Variants in VPS16 observed in about 807,000 individuals in gnomAD.
VPS16 encodes vacuolar protein sorting-associated protein 16 homolog.
In VPS16, 82 loss-of-function variants were observed where a neutral mutation model predicts 116.0. That is an observed-to-expected ratio of 0.71 (90% CI 0.59 to 0.85). The LOEUF is 0.85. Among genes scored for constraint, VPS16 ranks in the 40% least tolerant of loss-of-function variants. The pLI is 0.00. For synonymous variants in VPS16, 406 were observed against 420.7 expected, an observed-to-expected ratio of 0.96 and a Z score of 0.43; for missense variants, 928 against 1,090.6, an observed-to-expected ratio of 0.85 and a Z score of 2.10.
At chr20:2,858,031 T>G (rs1237115017) in intron 1 of VPS16, among the ~76,000 whole-genome samples, 1 of 152,110 alleles carries the variant, frequency 6.6e-6, no homozygotes, top group African/African-American at 2.4e-5. Flanking sequence ...AGAAAATAGA[T>G]TGATTTTTGT....
Position 2,860,058 on chromosome 20 carries a change from G to T in VPS16, c.147G>T (p.Leu49=). 1 of 1,613,970 alleles carries T rather than the reference G, an allele frequency of 6.2e-7. No individual in the cohort carries two copies. Among genetic ancestry groups the T allele is most frequent in the Non-Finnish European group, 8.5e-7 (1 of 1,180,020 alleles). ...AGGTCTCTTCTCAAACTGCAGCACT[G>T]CTGAGGAACCCCTGGCGGAAGGAGA... ...AAAPYGGPIA[L]LRNPWRKEKA... is the part of the protein sequence containing the mutation. The change falls in exon 3 of 24, where the codon CTG becomes CTT. Residue 49 remains leucine, a synonymous_variant. Transcript: ENST00000380445. The surrounding 1 kb of genome is among the most constrained non-coding windows in gnomAD (Gnocchi z 6.1).
At chr20:2,847,880 C>T (rs138712014) in intron 1 of VPS16, among the ~76,000 whole-genome samples, 24 of 152,298 alleles carry the variant, frequency 1.6e-4, no homozygotes, top group African/African-American at 5.8e-4. Flanking sequence ...TCATGGAGCC[C>T]TCTGTTCTCT....
At chr20:2,843,485 A>G (rs1034679413) in intron 1 of VPS16, among the ~76,000 whole-genome samples, 5 of 152,146 alleles carry the variant, frequency 3.3e-5, no homozygotes, top group Admixed American at 1.3e-4. Context: ...AAAAATTGCA[A>G]AAACTTCATT....
In VPS16 at chr20:2,861,031, A is replaced by G. The variant is rs750215291; in HGVS notation, c.692A>G (p.Tyr231Cys). The G allele has an allele frequency of 9.9e-6, 16 of 1,614,030 alleles. No individual in the cohort carries two copies. The East Asian group carries it at 2.0e-4, about 20-fold the overall frequency. The change falls in exon 7 of 24, where the codon TAC becomes TGC. Residue 231 changes from tyrosine (Y) to cysteine (C), a missense_variant. Coordinates refer to ENST00000380445, the MANE Select transcript of VPS16 (RefSeq NM_022575.4). ...CTACAGATGGCTGTCTCCTTCACCTACCGACACCTGGCACTCTTCACAGAC... is the reference window on the plus strand; with the variant it reads ...CTACAGATGGCTGTCTCCTTCACCTGCCGACACCTGGCACTCTTCACAGAC... ...SFLQMAVSFT[Y>C]RHLALFTDTG...
chr20:2,862,424 AC>A, intron 11 of VPS16, 154 bp from the exon 12 acceptor site: 1 of 1,404,556 alleles, frequency 7.1e-7, no homozygotes, highest in South Asian at 1.5e-5. Flanking sequence ...GTCTGTGGGC[AC>A]CTCAGGTGGA....
At chr20:2,851,962 G>A (rs756506374) in intron 1 of VPS16, among the ~76,000 whole-genome samples, 64 of 152,210 alleles carry the variant, frequency 4.2e-4, no homozygotes, top group South Asian at 1.2e-3. Context: ...AGAGCGAGAC[G>A]CTGTCTCAAA....
At position 2,843,261 on chromosome 20, in the gene VPS16, G is replaced by A. The variant is rs529174732; in HGVS notation, c.53+2434G>A. ...AGCCTGGCCAACATGATGAAACCCC[G>A]TCTCTACTAGAAATACAAAAATTTG... On this transcript the variant is annotated intron_variant, in intron 1 of 23. Coordinates refer to ENST00000380445, the MANE Select transcript of VPS16 (RefSeq NM_022575.4). 5.9e-5 allele frequency among the ~76,000 whole-genome samples: 9 copies of A among 151,886 alleles called. 1 individual carries two copies. Among genetic ancestry groups the A allele is most frequent in the African/African-American group, 2.2e-4 (9 of 41,430 alleles).
chr20:2,842,856 G>C lies in VPS16; in HGVS notation c.53+2029G>C, dbSNP rs543012256. On this transcript the variant is annotated intron_variant, in intron 1 of 23. Transcript: ENST00000380445. The stretch of plus-strand genomic sequence containing the variant: ...TAGATGTATCTATCGATAGATAGAT[G>C]TATCTATCGATAGATAGATAGATGT... Among the ~76,000 whole-genome samples, 179 of 122,268 alleles carry C rather than the reference G, an allele frequency of 1.5e-3. 3 individuals carry two copies. Among genetic ancestry groups the C allele is most frequent in the Admixed American group, 3.4e-3 (38 of 11,016 alleles). The allele number at this position is 122,268 out of a possible 152,430, so 80.2% of individuals were successfully genotyped here.
intron 1 of VPS16, among the ~76,000 whole-genome samples, chr20:2,844,137 G>A (rs1429444998): frequency 6.6e-6 from 1 of 152,160 alleles, no homozygotes; most frequent in Non-Finnish European, 1.5e-5. Context: ...GGGTTTTGGG[G>A]GCGGGCAGGT....
chr20:2,863,253 C>G lies in VPS16; in HGVS notation c.1368-37C>G, dbSNP rs143975995. ...CCACTCTGCTCCCTTTCTCCTCCAC[C>G]TCACTCCTTGTATCCTTTACCCACC... On this transcript the variant is annotated intron_variant, in intron 14 of 23. Transcript: ENST00000380445. This position sits in a 1 kb window ranked among gnomAD's most constrained non-coding sequence, Gnocchi z 4.4. 66 of 1,613,292 alleles carry G rather than the reference C, an allele frequency of 4.1e-5. No individual in the cohort carries two copies. Among genetic ancestry groups the G allele is most frequent in the Non-Finnish European group, 5.2e-5 (61 of 1,179,368 alleles).
chr20:2,853,686 T>C (rs925677237), intron 1 of VPS16, among the ~76,000 whole-genome samples: 2 of 152,046 alleles, frequency 1.3e-5, no homozygotes, highest in Non-Finnish European at 2.9e-5. Flanking sequence ...TTTTTTTTAT[T>C]TTTTGGGACG....
chr20:2,861,598 G>C lies in VPS16; in HGVS notation c.810-17G>C, dbSNP rs769128927. The C allele has an allele frequency of 6.2e-7, 1 of 1,601,360 alleles. No individual in the cohort carries two copies. The highest frequency in any genetic ancestry group is 1.1e-5 in the South Asian group (1 of 88,940). The stretch of plus-strand genomic sequence containing the variant: ...CCATGGGACAGTGTCTAGCCAGTGT[G>C]TATATGCTGCTCACAGGTGCAGCCG... On this transcript the variant is annotated splice_polypyrimidine_tract_variant and intron_variant, in intron 8 of 23. Coordinates refer to ENST00000380445, the MANE Select transcript of VPS16 (RefSeq NM_022575.4).
rs533682192 is a variant in VPS16, at chr20:2,863,637, C to CT, written c.1476+240dup. On this transcript the variant is annotated intron_variant, in intron 15 of 23. Transcript: ENST00000380445. The surrounding 1 kb of genome is among the most constrained non-coding windows in gnomAD (Gnocchi z 4.4). ...ATTAGCCGGGCACGGTGGCGCATGCCTGTAATCCCAGCTACCCGGGAGGCT... is the reference window on the plus strand; with the variant it reads ...ATTAGCCGGGCACGGTGGCGCATGCCTTGTAATCCCAGCTACCCGGGAGGCT... Among the ~76,000 whole-genome samples, 117 of 152,250 alleles carry CT rather than the reference C, an allele frequency of 7.7e-4. No individual in the cohort carries two copies. Among genetic ancestry groups the CT allele is most frequent in the African/African-American group, 2.8e-3 (115 of 41,528 alleles).
rs565798734 is a variant in VPS16, at chr20:2,863,891, A to C, written c.1477-58A>C. 2.5e-6 allele frequency: 4 copies of C among 1,591,632 alleles called. No individual in the cohort carries two copies. In the East Asian group the frequency reaches 9.0e-5, roughly 36 times the overall value. The stretch of plus-strand genomic sequence containing the variant: ...GAAGGGGTGGGTCCTAAGGGCTTGC[A>C]GGAGTGGAGAGTGAGGAATGGCATC... On this transcript the variant is annotated intron_variant, in intron 15 of 23. Transcript: ENST00000380445. This position sits in a 1 kb window ranked among gnomAD's most constrained non-coding sequence, Gnocchi z 4.4.
chr20:2,847,518 C>T (rs866914215), intron 1 of VPS16, among the ~76,000 whole-genome samples: 9 of 148,798 alleles, frequency 6.0e-5, no homozygotes, highest in Non-Finnish European at 7.4e-5. Flanking sequence ...CTTGCTCTGT[C>T]GCCAGGCTGG....
rs201669561 is a variant in VPS16, at chr20:2,861,059, A to C, written c.720A>C (p.Thr240=). 1 of 1,614,212 alleles carries C rather than the reference A, an allele frequency of 6.2e-7. No homozygotes were observed. Among genetic ancestry groups the C allele is most frequent in the East Asian group, 2.2e-5 (1 of 44,882 alleles). Residue 240 remains threonine (T), a synonymous_variant, in exon 7 of 24, where the codon ACA becomes ACC. Coordinates refer to ENST00000380445, the MANE Select transcript of VPS16 (RefSeq NM_022575.4). ...GACACCTGGCACTCTTCACAGACAC[A>C]GGCTACATCTGGATGGGGACAGCAT... ...TYRHLALFTD[T]GYIWMGTASL...
Position 2,865,128 on chromosome 20 carries a change from C to G in VPS16, c.2005-20C>G. 6.2e-7 allele frequency: 1 copy of G among 1,614,140 alleles called. No homozygotes were observed. The highest frequency in any genetic ancestry group is 1.1e-5 in the South Asian group (1 of 91,082). ...TCCTGGTCCCTCATCCCCATCATGC[C>G]TCATTATCCGGGTCCCCAGGCTACA... On this transcript the variant is annotated intron_variant, in intron 20 of 23. Transcript: ENST00000380445. This position sits in a 1 kb window ranked among gnomAD's most constrained non-coding sequence, Gnocchi z 5.2.
Position 2,865,388 on chromosome 20 carries a change from C to T in VPS16, c.2175-11C>T. On this transcript the variant is annotated splice_polypyrimidine_tract_variant and intron_variant, in intron 21 of 23. Transcript: ENST00000380445. The surrounding 1 kb of genome is among the most constrained non-coding windows in gnomAD (Gnocchi z 5.2). ...TCTCCTGCAACACCTCCAAGCCCAG[C>T]TTTCCTGCAGGCTCTGGTGGCTGAA... 1 of 1,614,034 alleles carries T rather than the reference C, an allele frequency of 6.2e-7. No homozygotes were observed. Among genetic ancestry groups the T allele is most frequent in the Non-Finnish European group, 8.5e-7 (1 of 1,179,922 alleles).
At chr20:2,854,683 C>A (rs2089154410) in intron 1 of VPS16, among the ~76,000 whole-genome samples, 1 of 151,084 alleles carries the variant, frequency 6.6e-6, no homozygotes, top group Non-Finnish European at 1.5e-5. Flanking sequence ...GTAGTCCCAG[C>A]TACTCAGGAG....
Sources: gnomAD v4.1 joint callset for allele counts (sites outside exome capture counted in the v4.1 genomes callset) on GRCh38, gnomAD v4.1.1 for gene constraint, Gnocchi (gnomAD v3.1) non-coding constraint, MANE v1.5 for transcripts, NCBI Gene and HGNC (gene_info 2026-07-23, HGNC 2026-07-21) for gene names.